Variants in DEAF1 observed in about 807,000 individuals in gnomAD.
DEAF1 encodes DEAF1 transcription factor, also known as deformed epidermal autoregulatory factor 1 homolog.
Under a neutral mutation model 58.9 loss-of-function variants are expected in DEAF1, and 53 were observed. The ratio of observed to expected loss-of-function variants is 0.90; its 90% confidence interval spans 0.72 to 1.13. DEAF1 has a LOEUF of 1.13. Ranked by LOEUF, DEAF1 falls within the 50% of genes most tolerant of loss-of-function variation. The pLI, the probability that DEAF1 is intolerant of heterozygous loss-of-function variation, is 0.00. For missense variants in DEAF1, 685 were observed against 791.4 expected, an observed-to-expected ratio of 0.87 and a Z score of 1.61; for synonymous variants, 385 against 340.4, an observed-to-expected ratio of 1.13 and a Z score of -1.44.
chr11:678,892 G>A, intron 8 of DEAF1, 70 bp from the exon 9 acceptor site: 2 of 1,596,384 alleles, frequency 1.3e-6, no homozygotes, highest in Non-Finnish European at 1.7e-6. Context: ...ATATCACGCT[G>A]TATGGCTGCG....
At position 681,003 on chromosome 11, in the gene DEAF1, G is replaced by A. The variant is rs777556836; in HGVS notation, c.957C>T (p.Pro319=). ...LPTTPVKKDS[P]KNITLLPATA... ...TGGCTGGAAGCAATGTGATGTTCTT[G>A]GGGGAGTCCTTCTTCACGGGAGTTG... is the stretch of plus-strand genomic sequence containing the variant. Residue 319 remains proline, a synonymous_variant, in exon 7 of 12, where the codon CCC becomes CCT. Transcript: ENST00000382409. 3 of 1,614,064 alleles carry A rather than the reference G, an allele frequency of 1.9e-6. No homozygotes were observed. Among genetic ancestry groups the A allele is most frequent in the Non-Finnish European group, 2.5e-6 (3 of 1,180,044 alleles).
intron 10 of DEAF1, among the ~76,000 whole-genome samples, chr11:656,625 G>A (rs377576476): frequency 3.9e-5 from 6 of 152,222 alleles, no homozygotes; most frequent in African/African-American, 7.2e-5. Context: ...GGAGGCTGGC[G>A]GGAGCGTGGT....
At chr11:699,825 C>A, upstream of DEAF1, 1 of 307,722 alleles carries the variant, frequency 3.2e-6, no homozygotes, top group South Asian at 7.3e-5. Context: ...AGGGTGACAT[C>A]ACTGGGGATG....
chr11:690,503 C>T (rs1283155202), intron 2 of DEAF1, among the ~76,000 whole-genome samples: 1 of 152,026 alleles, frequency 6.6e-6, no homozygotes, highest in Non-Finnish European at 1.5e-5. Context: ...CTTATAATCC[C>T]AGCACTTTGG....
Position 684,928 on chromosome 11 carries a change from G to A in DEAF1, c.840C>T (p.Thr280=), listed in dbSNP as rs1303119372. ...GILNPHAASC[T]CAACCDDMTL... ...TCATGTCGTCGCAGCAGGCAGCACAGGTGCAAGAGGCAGCGTGAGGGTTTA... is the reference window on the plus strand; with the variant it reads ...TCATGTCGTCGCAGCAGGCAGCACAAGTGCAAGAGGCAGCGTGAGGGTTTA... Residue 280 remains threonine, a synonymous_variant, in exon 6 of 12, where the codon ACC becomes ACT. Coordinates refer to ENST00000382409, the MANE Select transcript of DEAF1 (RefSeq NM_021008.4). 1 of 1,551,650 alleles carries A rather than the reference G, an allele frequency of 6.4e-7. No individual in the cohort carries two copies. Among genetic ancestry groups the A allele is most frequent in the Admixed American group, 2.0e-5 (1 of 51,000 alleles).
At chr11:698,956 C>T, upstream of DEAF1, 8 of 1,588,756 alleles carry the variant, frequency 5.0e-6, no homozygotes, top group South Asian at 4.4e-5. Flanking sequence ...AGAGAGCACT[C>T]GGCCTCACCC....
rs959193773 is a variant in DEAF1 at position 695,139 on chromosome 11, G to A, written c.-92C>T. ...GAAGCGGGGCCCGAAGAGGACGCCCGAGCTGGGCCGAGGCCGCCCGAAGCC... is the reference window on the plus strand; with the variant it reads ...GAAGCGGGGCCCGAAGAGGACGCCCAAGCTGGGCCGAGGCCGCCCGAAGCC... On this transcript the variant is annotated 5_prime_UTR_variant, in exon 1 of 12. Coordinates refer to ENST00000382409, the MANE Select transcript of DEAF1 (RefSeq NM_021008.4). 1.7e-5 allele frequency: 20 copies of A among 1,200,924 alleles called. No homozygotes were observed. Among genetic ancestry groups the A allele is most frequent in the Non-Finnish European group, 2.1e-5 (19 of 924,520 alleles). The allele number at this position is 1,200,924 out of a possible 1,614,324, so 74.4% of individuals were successfully genotyped here. A position where few individuals can be genotyped will look rare whatever the true frequency, so the allele number is the denominator to read the frequency against.
chr11:704,146 C>G (rs898712948), intron 1 of DEAF1: 1 of 1,102,394 alleles, frequency 9.1e-7, no homozygotes, highest in African/African-American at 1.6e-5. Context: ...TAATTATGGC[C>G]ACCTCCCCCA....
In DEAF1 at chr11:679,752, C is replaced by T. The variant is rs146162038; in HGVS notation, c.1062G>A (p.Thr354=). The T allele has an allele frequency of 2.2e-5, 35 of 1,613,744 alleles. No individual in the cohort carries two copies. The South Asian group carries it at 2.9e-4, about 13-fold the overall frequency. The change falls in exon 8 of 12, where the codon ACG becomes ACA. Residue 354 remains threonine, a synonymous_variant. Transcript: ENST00000382409. ...CTGATATGACAGCAGTGGCCTCTAC[C>T]GTGGACGCTCGGTCAAAGGTCAGTG... ...SGALTFDRAS[T]VEATAVISES...
chr11:646,754 T>TG (rs1392750166), intron 11 of DEAF1, among the ~76,000 whole-genome samples: 1 of 151,526 alleles, frequency 6.6e-6, no homozygotes, highest in Non-Finnish European at 1.5e-5. Flanking sequence ...AAAACACTTT[T>TG]GAAAAAAAAA....
intron 2 of DEAF1, among the ~76,000 whole-genome samples, chr11:691,070 CAG>C (rs541174013): frequency 1.3e-5 from 2 of 152,370 alleles, no homozygotes; most frequent in African/African-American, 4.8e-5. Flanking sequence ...AAGTAGACAG[CAG>C]TCAGGCGTGG....
intron 9 of DEAF1, among the ~76,000 whole-genome samples, chr11:677,831 C>T (rs915976805): frequency 2.0e-5 from 3 of 151,708 alleles, no homozygotes; most frequent in South Asian, 2.1e-4. Context: ...GGCATGGTGG[C>T]GTGCACCTGT....
intron 1 of DEAF1, chr11:692,179 C>T: frequency 5.2e-6 from 1 of 190,502 alleles, no homozygotes; most frequent in Middle Eastern, 2.5e-3. Flanking sequence ...ACCGCACCCC[C>T]TACAACATGG....
chr11:644,467 C>G lies in DEAF1; in HGVS notation c.*83G>C. 2.9e-6 allele frequency: 3 copies of G among 1,034,954 alleles called. No homozygotes were observed. The highest frequency in any genetic ancestry group is 2.6e-5 in the South Asian group (2 of 75,678). 64.1% of individuals were successfully genotyped at this position (1,034,954 alleles called of 1,614,324 possible). On this transcript the variant is annotated 3_prime_UTR_variant, in exon 12 of 12. Coordinates refer to ENST00000382409, the MANE Select transcript of DEAF1 (RefSeq NM_021008.4). The surrounding 1 kb of genome is among the most constrained non-coding windows in gnomAD (Gnocchi z 4.3). The stretch of plus-strand genomic sequence containing the variant: ...CACACCCCTCTTCTCAACGTCCCCC[C>G]AGAGTCCTCAGGGGGGCCTTCGACC...
chr11:678,501 G>A (rs1320071010), intron 9 of DEAF1, 193 bp downstream of exon 9: 4 of 755,644 alleles, frequency 5.3e-6, no homozygotes, highest in East Asian at 6.1e-5. Flanking sequence ...CACATGAATG[G>A]ACGTGGCTGT....
intron 4 of DEAF1, 87 bp downstream of exon 4, chr11:687,824 T>C (rs1404555356): frequency 2.5e-6 from 4 of 1,576,634 alleles, no homozygotes; most frequent in African/African-American, 1.3e-5. Flanking sequence ...CTAGGTGCCA[T>C]GATTTTCATC....
At chr11:703,173 A>C in intron 1 of DEAF1, 1 of 1,586,972 alleles carries the variant, frequency 6.3e-7, no homozygotes, top group Non-Finnish European at 8.6e-7. Flanking sequence ...GGGATACCCC[A>C]CACTGGGGCC....
intron 11 of DEAF1, among the ~76,000 whole-genome samples, chr11:648,759 C>G (rs376980594): frequency 6.6e-6 from 1 of 151,944 alleles, no homozygotes; most frequent in Non-Finnish European, 1.5e-5. Flanking sequence ...ATTGTAATAC[C>G]TATAGCAGTA....
chr11:666,964 C>A (rs1193283614), intron 10 of DEAF1, among the ~76,000 whole-genome samples: 3 of 151,472 alleles, frequency 2.0e-5, no homozygotes, highest in Non-Finnish European at 4.4e-5. Flanking sequence ...TTTAGGAGGC[C>A]AAGGAAGGTG....
Sources: gnomAD v4.1 joint callset for allele counts (sites outside exome capture counted in the v4.1 genomes callset) on GRCh38, gnomAD v4.1.1 for gene constraint, Gnocchi (gnomAD v3.1) non-coding constraint, MANE v1.5 for transcripts, NCBI Gene and HGNC (gene_info 2026-07-23, HGNC 2026-07-21) for gene names.